CHCHD3: variants seen among roughly 807,000 people sequenced by gnomAD.
The protein encoded by CHCHD3 is MICOS complex subunit MIC19.
In CHCHD3, 20 loss-of-function variants were observed where a neutral mutation model predicts 38.2. That is an observed-to-expected ratio of 0.52 (90% CI 0.37 to 0.76). The LOEUF is 0.76. CHCHD3 is among the 30% of genes least tolerant of loss of function. CHCHD3 has a pLI of 0.00. For synonymous variants in CHCHD3, 82 were observed against 100.0 expected (o/e 0.82, Z 1.07); for missense variants, 245 against 279.2 (o/e 0.88, Z 0.87).
At chr7:133,041,866 C>A (rs1031300997) in intron 2 of CHCHD3, among the ~76,000 whole-genome samples, 3 of 152,226 alleles carry the variant, frequency 2.0e-5, no homozygotes, top group African/African-American at 7.2e-5. Flanking sequence ...AGACCCAAAG[C>A]AAACAACTGC....
At chr7:132,935,338 C>T (rs10264126) in intron 4 of CHCHD3, among the ~76,000 whole-genome samples, 38,067 of 152,100 alleles carry the variant, frequency 0.25, 4,898 homozygotes, top group South Asian at 0.33. Context: ...TTGCTACCTA[C>T]TATTGGACTA....
intron 6 of CHCHD3, among the ~76,000 whole-genome samples, chr7:132,819,008 G>T (rs1208089889): frequency 2.0e-5 from 3 of 152,150 alleles, no homozygotes; most frequent in Non-Finnish European, 4.4e-5. Flanking sequence ...AAACCATTAG[G>T]CCAGACACAG....
At chr7:133,020,954 G>A (rs1039802443) in intron 3 of CHCHD3, among the ~76,000 whole-genome samples, 1 of 147,616 alleles carries the variant, frequency 6.8e-6, no homozygotes, top group Admixed American at 6.8e-5. Context: ...GGGGGAGAAC[G>A]GATAAGAGGG....
intron 3 of CHCHD3, among the ~76,000 whole-genome samples, chr7:132,982,429 C>T (rs1811943478): frequency 6.6e-6 from 1 of 152,146 alleles, no homozygotes; most frequent in African/African-American, 2.4e-5. Flanking sequence ...GGATTACAGG[C>T]ATGTGCCACC....
At chr7:132,789,117 T>C (rs1023399146) in intron 7 of CHCHD3, among the ~76,000 whole-genome samples, 1 of 152,224 alleles carries the variant, frequency 6.6e-6, no homozygotes, top group Non-Finnish European at 1.5e-5. Context: ...TAGGTTCTAC[T>C]GTCTCTGTAT....
At chr7:132,895,616 T>C (rs530126168) in intron 4 of CHCHD3, among the ~76,000 whole-genome samples, 67 of 152,368 alleles carry the variant, frequency 4.4e-4, no homozygotes, top group African/African-American at 1.2e-3. Flanking sequence ...GTTTTTCCTG[T>C]GCTGTCCTCA....
chr7:132,818,869 C>T (rs894484896), intron 6 of CHCHD3, among the ~76,000 whole-genome samples: 2 of 152,048 alleles, frequency 1.3e-5, no homozygotes, highest in African/African-American at 2.4e-5. Context: ...CTATTGATAC[C>T]GTCAAGAGAA....
At chr7:132,938,377 T>C (rs1810681593) in intron 4 of CHCHD3, among the ~76,000 whole-genome samples, 1 of 152,152 alleles carries the variant, frequency 6.6e-6, no homozygotes, top group African/African-American at 2.4e-5. Context: ...TCAATATTCT[T>C]TCCTCTGCAC....
rs560128780 is a variant in CHCHD3, at chr7:132,982,868, AT to A, written c.252-7583del. Reference sequence around the variant, plus strand: ...TTTTTTTTCAATAAATATATTGAACATTTTTTTGAAGACTTGTAGCAATTTG... The same window carrying A: ...TTTTTTTTCAATAAATATATTGAACATTTTTTGAAGACTTGTAGCAATTTG... On this transcript the variant is annotated intron_variant, in intron 3 of 7. Transcript: ENST00000262570. Among the ~76,000 whole-genome samples the A allele has an allele frequency of 3.8e-4, 58 of 152,212 alleles. No individual in the cohort carries two copies. In the South Asian group the frequency reaches 0.011, roughly 28 times the overall value.
intron 3 of CHCHD3, among the ~76,000 whole-genome samples, chr7:132,979,509 C>T (rs1362423058): frequency 1.3e-5 from 2 of 152,146 alleles, no homozygotes; most frequent in African/African-American, 4.8e-5. Flanking sequence ...TATGACACTG[C>T]ATGGGTGGGA....
intron 5 of CHCHD3, among the ~76,000 whole-genome samples, chr7:132,882,453 A>G (rs929478765): frequency 5.0e-4 from 72 of 143,724 alleles, no homozygotes; most frequent in Admixed American, 1.7e-3. Context: ...AAAGGAAAAC[A>G]ATATATTCTA....
chr7:132,809,973 G>A, intron 6 of CHCHD3, among the ~76,000 whole-genome samples: 1 of 152,150 alleles, frequency 6.6e-6, no homozygotes, highest in Middle Eastern at 3.2e-3. Context: ...TCAGAGCATT[G>A]TAAATGTTAA....
chr7:132,952,617 C>G (rs1431918903), intron 4 of CHCHD3, among the ~76,000 whole-genome samples: 1 of 152,206 alleles, frequency 6.6e-6, no homozygotes, highest in Non-Finnish European at 1.5e-5. Context: ...GAGCAGTTCA[C>G]TTTCATACCA....
chr7:132,810,447 T>G (rs571435069), intron 6 of CHCHD3, among the ~76,000 whole-genome samples: 76 of 152,350 alleles, frequency 5.0e-4, no homozygotes, highest in Non-Finnish European at 1.2e-4. Flanking sequence ...CATATCCCTT[T>G]GTATTATATA....
chr7:133,076,793 T>G (rs1040304476), intron 1 of CHCHD3, among the ~76,000 whole-genome samples: 2 of 152,184 alleles, frequency 1.3e-5, no homozygotes, highest in African/African-American at 4.8e-5. Context: ...GAGGAATTCT[T>G]CAGTGGCCCT....
chr7:132,908,243 A>C (rs1809845111), intron 4 of CHCHD3, among the ~76,000 whole-genome samples: 1 of 152,170 alleles, frequency 6.6e-6, no homozygotes, highest in African/African-American at 2.4e-5. Flanking sequence ...ACGGTGCAGG[A>C]AAACGTAACT....
At chr7:133,025,119 C>T (rs1280095549) in intron 2 of CHCHD3, among the ~76,000 whole-genome samples, 1 of 152,102 alleles carries the variant, frequency 6.6e-6, no homozygotes, top group African/African-American at 2.4e-5. Context: ...TGAAAAAAGC[C>T]ATTTGTCATT....
intron 6 of CHCHD3, among the ~76,000 whole-genome samples, chr7:132,799,909 C>A (rs556367160): frequency 4.5e-4 from 68 of 152,274 alleles, no homozygotes; most frequent in Admixed American, 8.5e-4. Context: ...CTTTGGCCCT[C>A]CCTACCCCAC....
At chr7:132,992,915 A>C (rs1227084671) in intron 3 of CHCHD3, among the ~76,000 whole-genome samples, 2 of 152,154 alleles carry the variant, frequency 1.3e-5, no homozygotes, top group Admixed American at 1.3e-4. Flanking sequence ...AAAATTAATA[A>C]ATTTTCTAAA....
Sources: gnomAD v4.1 joint callset for allele counts (sites outside exome capture counted in the v4.1 genomes callset) on GRCh38, gnomAD v4.1.1 for gene constraint, MANE v1.5 for transcripts, NCBI Gene and HGNC (gene_info 2026-07-23, HGNC 2026-07-21) for gene names.